The following LAMTOR2 variants were observed in gnomAD, a reference collection of about 807,000 sequenced individuals.
LAMTOR2 encodes ragulator complex protein LAMTOR2.
Under a neutral mutation model 15.8 loss-of-function variants are expected in LAMTOR2, and 4 were observed. The ratio of observed to expected loss-of-function variants is 0.25; its 90% CI spans 0.12 to 0.58. LAMTOR2 has a LOEUF of 0.58. LAMTOR2 is among the 20% of genes least tolerant of loss of function. The pLI is 0.91. For missense variants in LAMTOR2, 100 were observed against 161.0 expected (o/e 0.62, Z 2.05); for synonymous variants, 62 against 64.1 (o/e 0.97, Z 0.15).
chr1:156,056,839 A>G (rs1289319079), intron 2 of LAMTOR2, among the ~76,000 whole-genome samples: 1 of 152,168 alleles, frequency 6.6e-6, no homozygotes, highest in Non-Finnish European at 1.5e-5. Context: ...CTGGTGCTAT[A>G]GGGCAATAGC....
At chr1:156,057,882 A>C in intron 2 of LAMTOR2, 96 bp from the exon 3 acceptor site, 1 of 1,144,424 alleles carries the variant, frequency 8.7e-7, no homozygotes, top group Non-Finnish European at 1.3e-6. Context: ...CATGGGAGGA[A>C]GATATAGTCT....
chr1:156,058,492 C>A lies in LAMTOR2; in HGVS notation c.*121C>A. 1 of 976,364 alleles carries A rather than the reference C, an allele frequency of 1.0e-6. No individual in the cohort carries two copies. The highest frequency in any genetic ancestry group is 1.6e-6 in the Non-Finnish European group (1 of 621,384). The allele number at this position is 976,364 out of a possible 1,614,324, so 60.5% of individuals were successfully genotyped here. A position where few individuals can be genotyped will look rare whatever the true frequency, so the allele number is the denominator to read the frequency against. ...GGACTTTGTTTTTTCCAAGAATAAACTTCAACTCCTGTCATGTGTCTTGGC... is the reference window on the plus strand; with the variant it reads ...GGACTTTGTTTTTTCCAAGAATAAAATTCAACTCCTGTCATGTGTCTTGGC... On this transcript the variant is annotated 3_prime_UTR_variant, in exon 4 of 4. Coordinates refer to ENST00000368305, the MANE Select transcript of LAMTOR2 (RefSeq NM_014017.4).
chr1:156,058,177 A>G lies in LAMTOR2; in HGVS notation c.321+110A>G, dbSNP rs918377422. The G allele has an allele frequency of 2.7e-6, 4 of 1,500,450 alleles. No individual in the cohort carries two copies. In the African/African-American group the frequency reaches 4.1e-5, roughly 16 times the overall value. The allele number at this position is 1,500,450 out of a possible 1,614,324, so 92.9% of individuals were successfully genotyped here. On this transcript the variant is annotated intron_variant, in intron 3 of 3. Coordinates refer to ENST00000368305, the MANE Select transcript of LAMTOR2 (RefSeq NM_014017.4). Reference sequence around the variant, plus strand: ...TAGAGTTCTCATGTCTACTCAGTCCATTTCTGGTGTGGGCCAGCTCCCAAG... The same window carrying G: ...TAGAGTTCTCATGTCTACTCAGTCCGTTTCTGGTGTGGGCCAGCTCCCAAG...
Position 156,054,795 on chromosome 1 carries a change from G to A in LAMTOR2, c.-95G>A. The A allele has an allele frequency of 7.9e-7, 1 of 1,269,810 alleles. No individual in the cohort carries two copies. The highest frequency in any genetic ancestry group is 2.0e-4 in the Middle Eastern group (1 of 5,052). The allele number at this position is 1,269,810 out of a possible 1,614,324, so 78.7% of individuals were successfully genotyped here. Reference sequence around the variant, plus strand: ...ACTACAACTCCCAGGGCGTCCCGGAGCAGGCCAACGGGACTACGGGAAGCA... The same window carrying A: ...ACTACAACTCCCAGGGCGTCCCGGAACAGGCCAACGGGACTACGGGAAGCA... On this transcript the variant is annotated 5_prime_UTR_variant, in exon 1 of 4. Coordinates refer to ENST00000368305, the MANE Select transcript of LAMTOR2 (RefSeq NM_014017.4).
At chr1:156,056,194 G>A (rs1647360500) in intron 2 of LAMTOR2, among the ~76,000 whole-genome samples, 1 of 152,124 alleles carries the variant, frequency 6.6e-6, no homozygotes, top group Non-Finnish European at 1.5e-5. Flanking sequence ...CCAGAGACTG[G>A]GTTTTGCCAT....
Position 156,055,336 on chromosome 1 carries a change from A to G in LAMTOR2, c.142A>G (p.Ile48Val). 6.2e-7 allele frequency: 1 copy of G among 1,614,240 alleles called. No individual in the cohort carries two copies. The highest frequency in any genetic ancestry group is 8.5e-7 in the Non-Finnish European group (1 of 1,180,034). Reference protein sequence around the residue: ...GDTDARVTAAIASNIWAAYDR... With the variant: ...GDTDARVTAAVASNIWAAYDR... ...CACTGACGCCCGGGTCACCGCTGCC[A>G]TAGCCAGTAACATCTGGGCCGCCTA... Residue 48 changes from isoleucine (I) to valine (V), a missense_variant, in exon 2 of 4, where the codon ATA becomes GTA. Ile to Val is a conservative substitution (Grantham distance 29, BLOSUM62 3). Transcript: ENST00000368305. This position sits in a 1 kb window ranked among gnomAD's most constrained non-coding sequence, Gnocchi z 4.8.
At chr1:156,057,920 A>G (rs1647427063) in intron 2 of LAMTOR2, 58 bp from the exon 3 acceptor site, 1 of 1,483,712 alleles carries the variant, frequency 6.7e-7, no homozygotes, top group African/African-American at 1.4e-5. Flanking sequence ...CCTTTGGGGA[A>G]GGAGGGTGCT....
Position 156,055,239 on chromosome 1 carries a change from C to T in LAMTOR2, c.69-24C>T, listed in dbSNP as rs761480716. On this transcript the variant is annotated intron_variant, in intron 1 of 3. Coordinates refer to ENST00000368305, the MANE Select transcript of LAMTOR2 (RefSeq NM_014017.4). This position sits in a 1 kb window ranked among gnomAD's most constrained non-coding sequence, Gnocchi z 4.8. ...TTTACTCCCCGCTCTGAGCACATCG[C>T]TATCCCTCCCCGCCCCTCACCAGGC... is the stretch of plus-strand genomic sequence containing the variant. 1.6e-5 allele frequency: 26 copies of T among 1,612,984 alleles called. No homozygotes were observed. The highest frequency in any genetic ancestry group is 1.9e-5 in the Non-Finnish European group (23 of 1,179,932).
At position 156,055,692 on chromosome 1, in the gene LAMTOR2, C is replaced by G; in HGVS notation, c.231+267C>G. On this transcript the variant is annotated intron_variant, in intron 2 of 3. Transcript: ENST00000368305. The surrounding 1 kb of genome is among the most constrained non-coding windows in gnomAD (Gnocchi z 4.8). ...GAACCTTGGGTAAGTCGCTTAACCT[C>G]TCTCAGCTTCCTTACCTCATGTTTA... 1 of 512,154 alleles carries G rather than the reference C, an allele frequency of 2.0e-6. No homozygotes were observed. Among genetic ancestry groups the G allele is most frequent in the Non-Finnish European group, 3.6e-6 (1 of 281,384 alleles). 31.7% of individuals were successfully genotyped at this position (512,154 alleles called of 1,614,324 possible). A position where few individuals can be genotyped will look rare whatever the true frequency, so the allele number is the denominator to read the frequency against.
At position 156,058,081 on chromosome 1, in the gene LAMTOR2, C is replaced by T; in HGVS notation, c.321+14C>T. 6.8e-6 allele frequency: 11 copies of T among 1,612,328 alleles called. No homozygotes were observed. The highest frequency in any genetic ancestry group is 4.5e-5 in the East Asian group (2 of 44,880). ...CTCAAGGCCAAGGTGTGTATGTGCC[C>T]ATCCCTCCATAGCCCTGGGCCCAGC... On this transcript the variant is annotated intron_variant, in intron 3 of 3. Coordinates refer to ENST00000368305, the MANE Select transcript of LAMTOR2 (RefSeq NM_014017.4).
chr1:156,054,982 C>T, intron 1 of LAMTOR2, 25 bp downstream of exon 1: 6 of 1,606,364 alleles, frequency 3.7e-6, no homozygotes, highest in Non-Finnish European at 5.1e-6. Context: ...CGGACCCGAG[C>T]GGCGAGCGCT....
At chr1:156,057,956 C>G (rs374232277) in intron 2 of LAMTOR2, 22 bp from the exon 3 acceptor site, 108 of 1,610,190 alleles carry the variant, frequency 6.7e-5, no homozygotes, top group Non-Finnish European at 9.0e-5. Context: ...AACATCACAT[C>G]CCATCATATC....
intron 2 of LAMTOR2, among the ~76,000 whole-genome samples, chr1:156,056,632 T>C (rs919308609): frequency 2.6e-5 from 4 of 151,924 alleles, no homozygotes; most frequent in African/African-American, 9.7e-5. Flanking sequence ...AGGCAGGGAG[T>C]GCAGTGCTTG....
In LAMTOR2 at chr1:156,055,789, T is replaced by C. The variant is rs924125350; in HGVS notation, c.231+364T>C. ...TGTGAAGGTCAGATGAAATAATGGG[T>C]ATAAACAGTAGAATGACGTGCAAAC... On this transcript the variant is annotated intron_variant, in intron 2 of 3. Transcript: ENST00000368305. This position sits in a 1 kb window ranked among gnomAD's most constrained non-coding sequence, Gnocchi z 4.8. 1.3e-5 allele frequency: 4 copies of C among 318,590 alleles called. No homozygotes were observed. The highest frequency in any genetic ancestry group is 1.2e-4 in the Admixed American group (3 of 24,420). 19.7% of individuals were successfully genotyped at this position (318,590 alleles called of 1,614,324 possible).
At chr1:156,057,475 C>A (rs1429550015) in intron 2 of LAMTOR2, among the ~76,000 whole-genome samples, 1 of 149,008 alleles carries the variant, frequency 6.7e-6, no homozygotes, top group African/African-American at 2.5e-5. Context: ...TTCATTTTTT[C>A]TTTTTTGGTT....
intron 2 of LAMTOR2, among the ~76,000 whole-genome samples, chr1:156,057,016 A>G (rs1470359228): frequency 6.6e-6 from 1 of 151,888 alleles, no homozygotes; most frequent in Non-Finnish European, 1.5e-5. Context: ...CATCTCTACT[A>G]AAAATACAAA....
intron 2 of LAMTOR2, among the ~76,000 whole-genome samples, chr1:156,057,482 G>A (rs887786401): frequency 1.4e-5 from 2 of 143,178 alleles, no homozygotes. Flanking sequence ...TTTCTTTTTT[G>A]GTTTTTAATG....
At chr1:156,057,952 A>C (rs1427434278) in intron 2 of LAMTOR2, 26 bp from the exon 3 acceptor site, 3 of 1,608,908 alleles carry the variant, frequency 1.9e-6, no homozygotes, top group Non-Finnish European at 2.6e-6. Context: ...GCAGAACATC[A>C]CATCCCATCA....
intron 2 of LAMTOR2, among the ~76,000 whole-genome samples, chr1:156,056,165 C>T (rs1381075970): frequency 1.3e-5 from 2 of 151,484 alleles, no homozygotes; most frequent in Admixed American, 1.3e-4. Context: ...CACCACACCT[C>T]GCTAATTTTT....
Sources: allele counts gnomAD v4.1 joint callset (sites outside exome capture counted in the v4.1 genomes callset), GRCh38; gene constraint gnomAD v4.1.1; non-coding constraint Gnocchi (gnomAD v3.1); transcripts MANE v1.5; gene names NCBI Gene and HGNC (gene_info 2026-07-23, HGNC 2026-07-21).